NOTCH1: variants seen among roughly 807,000 people sequenced by gnomAD.
NOTCH1 encodes neurogenic locus notch homolog protein 1.
A neutral mutation model predicts 254.8 loss-of-function variants in NOTCH1; 37 were observed. That is an observed-to-expected ratio of 0.15 (90% CI 0.11 to 0.19). NOTCH1 has a LOEUF of 0.19. Ranked by LOEUF, NOTCH1 falls within the 10% of genes least tolerant of loss-of-function variation. The pLI, the probability that NOTCH1 is intolerant of heterozygous loss-of-function variation, is 1.00. For synonymous variants in NOTCH1, 1,731 were observed against 1,618.1 expected, an observed-to-expected ratio of 1.07 and a Z score of -1.68; for missense variants, 2,972 against 3,708.6, an observed-to-expected ratio of 0.80 and a Z score of 5.16.
intron 2 of NOTCH1, among the ~76,000 whole-genome samples, chr9:136,529,414 G>T (rs1589076311): frequency 6.6e-6 from 1 of 152,350 alleles, no homozygotes; most frequent in East Asian, 1.9e-4. Flanking sequence ...CCCAATCCCA[G>T]TGGGCACCAC....
In NOTCH1 at chr9:136,544,041, A is replaced by T; in HGVS notation, c.123T>A (p.Asn41Lys). The T allele has an allele frequency of 6.3e-7, 1 of 1,574,886 alleles. No homozygotes were observed. Among genetic ancestry groups the T allele is most frequent in the Non-Finnish European group, 8.6e-7 (1 of 1,161,108 alleles). ...GTACTCACACGCAGGCCTCCGTGCC[A>T]TTGGCCGCTTCACACTTCCCGCCAT... ...CLNGGKCEAA[N>K]GTEACVCGGA... The change falls in exon 2 of 34, where the codon AAT (asparagine) becomes AAA (lysine). Residue 41 changes from asparagine (N) to lysine (K), a missense_variant. Around this residue, in one of 8 missense-constraint regions of NOTCH1, gnomAD observed 374 missense variants for 496.3 expected, o/e 0.75. Coordinates refer to ENST00000651671, the MANE Select transcript of NOTCH1 (RefSeq NM_017617.5).
Position 136,508,861 on chromosome 9 carries a change from C to G in NOTCH1, c.3171+9G>C. ...CTCCTTCGGGCACCTCTGTGGCCGG[C>G]GCACTCACCTGGCAGTTGGGGCCAG... On this transcript the variant is annotated intron_variant, in intron 19 of 33. Transcript: ENST00000651671. 1 of 1,540,290 alleles carries G rather than the reference C, an allele frequency of 6.5e-7. No individual in the cohort carries two copies.
Position 136,505,372 on chromosome 9 carries a change from C to T in NOTCH1, c.4524G>A (p.Gln1508=), listed in dbSNP as rs2133338749. The T allele has an allele frequency of 1.9e-6, 3 of 1,610,182 alleles. No individual in the cohort carries two copies. Among genetic ancestry groups the T allele is most frequent in the East Asian group, 2.2e-5 (1 of 44,798 alleles). ...KYFSDGHCDS[Q]CNSAGCLFDG... is the part of the protein sequence containing the mutation. Reference sequence around the variant, plus strand: ...CGAAGAGGCAGCCGGCTGAGTTGCACTGGCTGTCACAGTGGCCGTCACTGA... The same window carrying T: ...CGAAGAGGCAGCCGGCTGAGTTGCATTGGCTGTCACAGTGGCCGTCACTGA... The change falls in exon 25 of 34, where the codon CAG becomes CAA. Residue 1508 remains glutamine, a synonymous_variant. Coordinates refer to ENST00000651671, the MANE Select transcript of NOTCH1 (RefSeq NM_017617.5).
At position 136,498,999 on chromosome 9, in the gene NOTCH1, G is replaced by T. The variant is rs770358205; in HGVS notation, c.6083-3C>A. On this transcript the variant is annotated splice_polypyrimidine_tract_variant and splice_region_variant and intron_variant, in intron 32 of 33. Coordinates refer to ENST00000651671, the MANE Select transcript of NOTCH1 (RefSeq NM_017617.5). ...GGCCCAGTGCAGGGCGGACTTGCCT[G>T]CGTGAAAGAAGCAGATGGGGTAGGT... 6.2e-7 allele frequency: 1 copy of T among 1,613,312 alleles called. No homozygotes were observed. Among genetic ancestry groups the T allele is most frequent in the East Asian group, 2.2e-5 (1 of 44,888 alleles).
rs776577038 is a variant in NOTCH1 at position 136,497,309 on chromosome 9, C to T, written c.6430G>A (p.Gly2144Ser). 1.3e-5 allele frequency: 21 copies of T among 1,607,420 alleles called. No individual in the cohort carries two copies. The highest frequency in any genetic ancestry group is 3.3e-5 in the Admixed American group (2 of 59,974). ...CCGGGCTTGAGGCTGCCCAGGTAGC[C>T]GTTGGGCGAGCAGAGCGGGGGCGAC... is the stretch of plus-strand genomic sequence containing the variant. The part of the protein sequence containing the change: ...TLSPPLCSPN[G>S]YLGSLKPGVQ... The change falls in exon 34 of 34, where the codon GGC becomes AGC. Residue 2144 changes from glycine to serine, a missense_variant. Gly to Ser is a moderately conservative substitution (Grantham distance 56). This residue lies in a region of NOTCH1 where 529 missense variants were observed against 529.2 expected (regional missense o/e 1.00). Coordinates refer to ENST00000651671, the MANE Select transcript of NOTCH1 (RefSeq NM_017617.5).
chr9:136,500,881 G>A (rs2133327015), intron 30 of NOTCH1, 34 bp from the exon 31 acceptor site: 1 of 1,553,584 alleles, frequency 6.4e-7, no homozygotes, highest in Non-Finnish European at 8.6e-7. Flanking sequence ...CAGTCTGGAG[G>A]GCCGGTCCCC....
intron 2 of NOTCH1, among the ~76,000 whole-genome samples, chr9:136,536,912 C>T (rs1177759260): frequency 6.6e-6 from 1 of 152,258 alleles, no homozygotes; most frequent in Non-Finnish European, 1.5e-5. Flanking sequence ...CAGCACCAGG[C>T]GTGTGGACGC....
In NOTCH1 at chr9:136,540,612, C is replaced by T. The variant is rs549771150; in HGVS notation, c.140+3412G>A. ...CCTCACACACCACCAAGAGATCCAG[C>T]GTGTATCAGCCCGGCTGACATGCTG... On this transcript the variant is annotated intron_variant, in intron 2 of 33. Coordinates refer to ENST00000651671, the MANE Select transcript of NOTCH1 (RefSeq NM_017617.5). The surrounding 1 kb of genome is among the most constrained non-coding windows in gnomAD (Gnocchi z 4.4). Among the ~76,000 whole-genome samples, 22 of 144,974 alleles carry T rather than the reference C, an allele frequency of 1.5e-4. No individual in the cohort carries two copies. In the East Asian group the frequency reaches 3.7e-3, roughly 24 times the overall value.
chr9:136,531,908 G>A (rs1451421663), intron 2 of NOTCH1, among the ~76,000 whole-genome samples: 4 of 152,210 alleles, frequency 2.6e-5, no homozygotes, highest in Non-Finnish European at 5.9e-5. Context: ...CTGACCACAC[G>A]AGGCACAGAG....
intron 2 of NOTCH1, chr9:136,543,512 C>T (rs1253693011): frequency 9.8e-6 from 3 of 304,916 alleles, no homozygotes; most frequent in African/African-American, 4.5e-5. Flanking sequence ...AGGCATCACC[C>T]GCCCAGGAGG....
chr9:136,524,044 A>T (rs975932688), intron 2 of NOTCH1, 65 bp from the exon 3 acceptor site: 20 of 1,528,592 alleles, frequency 1.3e-5, no homozygotes, highest in Non-Finnish European at 1.8e-5. Flanking sequence ...GCCACTCAGC[A>T]CCGGGAACCT....
intron 1 of NOTCH1, among the ~76,000 whole-genome samples, chr9:136,544,808 G>A (rs1315567166): frequency 6.6e-6 from 1 of 152,074 alleles, no homozygotes; most frequent in Non-Finnish European, 1.5e-5. Context: ...CCACAGGAGG[G>A]GGATGAAGGT....
chr9:136,522,435 A>G (rs1257066055), intron 4 of NOTCH1, among the ~76,000 whole-genome samples: 1 of 152,182 alleles, frequency 6.6e-6, no homozygotes, highest in Non-Finnish European at 1.5e-5. Context: ...CCACACCCGC[A>G]GGAGACCAGC....
chr9:136,528,838 G>C (rs1843515322), intron 2 of NOTCH1, among the ~76,000 whole-genome samples: 1 of 152,080 alleles, frequency 6.6e-6, no homozygotes, highest in Non-Finnish European at 1.5e-5. Flanking sequence ...CAATAAATGG[G>C]GGTCTTCTCC....
At chr9:136,526,663 C>T (rs1165030834) in intron 2 of NOTCH1, among the ~76,000 whole-genome samples, 1 of 152,222 alleles carries the variant, frequency 6.6e-6, no homozygotes, top group Admixed American at 6.5e-5. Context: ...GACACTCTGC[C>T]CGGACACCGG....
At chr9:136,541,350 T>C (rs1406121609) in intron 2 of NOTCH1, among the ~76,000 whole-genome samples, 1 of 152,202 alleles carries the variant, frequency 6.6e-6, no homozygotes, top group Non-Finnish European at 1.5e-5. Context: ...AAAGAAATGA[T>C]TCACCCAGTA....
intron 5 of NOTCH1, among the ~76,000 whole-genome samples, 187 bp from the exon 6 acceptor site, chr9:136,519,011 T>C (rs767368487): frequency 1.3e-5 from 2 of 152,222 alleles, no homozygotes; most frequent in Non-Finnish European, 2.9e-5. Context: ...CTCCTCTTTG[T>C]GCTCTGTGGA....
intron 33 of NOTCH1, 152 bp downstream of exon 33, chr9:136,498,747 C>T (rs948196275): frequency 8.3e-6 from 7 of 846,476 alleles, no homozygotes; most frequent in African/African-American, 3.3e-5. Context: ...ACGAGGTGCC[C>T]GCATCATGCG....
chr9:136,519,616 C>T (rs998964447), intron 4 of NOTCH1, 51 bp from the exon 5 acceptor site: 2 of 1,611,456 alleles, frequency 1.2e-6, no homozygotes, highest in African/African-American at 1.3e-5. Flanking sequence ...CAGTCCGGCT[C>T]CTGCCTGGAC....
Sources: allele counts gnomAD v4.1 joint callset (sites outside exome capture counted in the v4.1 genomes callset), GRCh38; gene constraint gnomAD v4.1.1; regional missense constraint gnomAD v4.1.1; non-coding constraint Gnocchi (gnomAD v3.1); transcripts MANE v1.5; gene names NCBI Gene and HGNC (gene_info 2026-07-23, HGNC 2026-07-21).